Variants in SIPA1L3 observed in about 807,000 individuals in gnomAD.
The protein encoded by SIPA1L3 is signal induced proliferation associated 1 like 3.
Under a neutral mutation model 150.1 loss-of-function variants are expected in SIPA1L3, and 59 were observed. The observed-to-expected ratio is 0.39, with a 90% CI of 0.32 to 0.49. SIPA1L3 has a LOEUF of 0.49. SIPA1L3 is among the 20% of genes least tolerant of loss of function. The probability of loss-of-function intolerance (pLI) is 0.86; values close to 1 mark genes in which losing one functional copy is unlikely to be tolerated. For missense variants in SIPA1L3, 2,211 were observed against 2,489.5 expected (o/e 0.89, Z 2.38); for synonymous variants, 1,070 against 1,077.6 (o/e 0.99, Z 0.14).
chr19:38,066,214 C>T (rs563996778), intron 2 of SIPA1L3, among the ~76,000 whole-genome samples: 1 of 152,006 alleles, frequency 6.6e-6, no homozygotes, highest in East Asian at 1.9e-4. Context: ...GATAGGGTCT[C>T]GTTATGTTAT....
intron 16 of SIPA1L3, 121 bp from the exon 17 acceptor site, chr19:38,192,024 G>A: frequency 1.1e-6 from 1 of 876,598 alleles, no homozygotes; most frequent in Admixed American, 2.8e-5. Context: ...CGTTTGCTGG[G>A]TGAAGGAGAG....
At chr19:38,028,283 T>C (rs1968560358) in intron 1 of SIPA1L3, among the ~76,000 whole-genome samples, 1 of 152,194 alleles carries the variant, frequency 6.6e-6, no homozygotes, top group Non-Finnish European at 1.5e-5. Context: ...TCTGAGGAAA[T>C]GTCCTTAGAA....
intron 1 of SIPA1L3, among the ~76,000 whole-genome samples, chr19:37,989,812 G>A (rs1488406937): frequency 6.6e-6 from 1 of 152,012 alleles, no homozygotes; most frequent in Non-Finnish European, 1.5e-5. Context: ...TGGGATTGCA[G>A]ACGTGAGCCA....
intron 13 of SIPA1L3, among the ~76,000 whole-genome samples, chr19:38,156,636 C>T (rs987153264): frequency 1.3e-5 from 2 of 151,440 alleles, no homozygotes; most frequent in African/African-American, 2.4e-5. Flanking sequence ...ACCAGCCTGA[C>T]CAACATGATG....
chr19:38,025,380 G>A (rs572371142), intron 1 of SIPA1L3, among the ~76,000 whole-genome samples: 7 of 152,304 alleles, frequency 4.6e-5, no homozygotes, highest in African/African-American at 1.7e-4. Context: ...TTCCCAGGTG[G>A]TAGAAAGTGG....
At chr19:38,188,975 T>C (rs1972749340) in intron 16 of SIPA1L3, among the ~76,000 whole-genome samples, 1 of 151,392 alleles carries the variant, frequency 6.6e-6, no homozygotes, top group South Asian at 2.1e-4. Flanking sequence ...GCCATCCTGC[T>C]CCCTCCCCAA....
intron 1 of SIPA1L3, among the ~76,000 whole-genome samples, chr19:37,971,291 T>C (rs1484930626): frequency 1.3e-5 from 2 of 151,934 alleles, no homozygotes. Flanking sequence ...TATTTGCCCT[T>C]TTAAAACATT....
chr19:37,951,893 C>CAAAA (rs5827992), intron 1 of SIPA1L3, among the ~76,000 whole-genome samples: 1 of 83,892 alleles, frequency 1.2e-5, no homozygotes, highest in Non-Finnish European at 2.1e-5. Flanking sequence ...AAGACTGTCT[C>CAAAA]AAAAAAAAAA....
chr19:38,083,415 T>G (rs1970053241), intron 3 of SIPA1L3, among the ~76,000 whole-genome samples: 2 of 152,212 alleles, frequency 1.3e-5, no homozygotes, highest in Non-Finnish European at 2.9e-5. Context: ...ATCAACCAGC[T>G]TAAAACAAAT....
intron 15 of SIPA1L3, among the ~76,000 whole-genome samples, chr19:38,168,091 C>T (rs192982660): frequency 6.6e-6 from 1 of 152,142 alleles, no homozygotes; most frequent in Non-Finnish European, 1.5e-5. Flanking sequence ...CAAATGAATA[C>T]GTGTGCGCTC....
At chr19:38,106,326 C>G (rs1299532358) in intron 6 of SIPA1L3, 3 of 450,926 alleles carry the variant, frequency 6.7e-6, no homozygotes, top group Admixed American at 3.6e-5. Flanking sequence ...AGGCTGGTCT[C>G]GAACTCCTGA....
chr19:37,950,496 C>T (rs17249336), intron 1 of SIPA1L3, among the ~76,000 whole-genome samples: 37,302 of 152,102 alleles, frequency 0.25, 5,524 homozygotes, highest in Non-Finnish European at 0.34. Flanking sequence ...TTACAGGGCT[C>T]GATCATTGGA....
At chr19:38,042,388 C>T (rs970027450) in intron 2 of SIPA1L3, among the ~76,000 whole-genome samples, 2 of 152,164 alleles carry the variant, frequency 1.3e-5, no homozygotes, top group Admixed American at 6.6e-5. Context: ...AGTGTGATGC[C>T]TCCAACTTTT....
At chr19:38,136,313 A>G (rs988417380) in intron 10 of SIPA1L3, among the ~76,000 whole-genome samples, 9 of 152,022 alleles carry the variant, frequency 5.9e-5, no homozygotes, top group Non-Finnish European at 1.2e-4. Context: ...TCCTTAAAAA[A>G]AATTCAAGGG....
chr19:38,090,506 T>C (rs1321690760), intron 4 of SIPA1L3, among the ~76,000 whole-genome samples: 1 of 152,126 alleles, frequency 6.6e-6, no homozygotes, highest in African/African-American at 2.4e-5. Context: ...GCACTGTGAT[T>C]GACAGTTCCA....
chr19:37,909,514 C>T (rs2046361351), intron 1 of SIPA1L3, among the ~76,000 whole-genome samples: 1 of 151,944 alleles, frequency 6.6e-6, no homozygotes, highest in South Asian at 2.1e-4. Context: ...CTGGCTGTGA[C>T]AAGGTTAAGT....
chr19:38,106,580 C>G lies in SIPA1L3; in HGVS notation c.2073C>G (p.Asp691Glu), dbSNP rs1223338454. 1 of 1,613,960 alleles carries G rather than the reference C, an allele frequency of 6.2e-7. No homozygotes were observed. The highest frequency in any genetic ancestry group is 1.3e-5 in the African/African-American group (1 of 74,928). Residue 691 changes from aspartate to glutamate, a missense_variant, in exon 7 of 22, where the codon GAC (aspartate) becomes GAG (glutamate). Asp to Glu is a conservative substitution (Grantham distance 45). Around this residue, in one of 5 missense-constraint regions of SIPA1L3, gnomAD observed 625 missense variants for 804.2 expected, o/e 0.78. Transcript: ENST00000222345. Reference sequence around the variant, plus strand: ...ACTCCCTCTACACGATGTACCAGGACTACGAGATCATGTTCCATGTCTCCA... The same window carrying G: ...ACTCCCTCTACACGATGTACCAGGAGTACGAGATCATGTTCCATGTCTCCA... The part of the protein sequence containing the change: ...GTHSLYTMYQ[D>E]YEIMFHVSTL...
At chr19:38,043,610 G>T (rs887233212) in intron 2 of SIPA1L3, among the ~76,000 whole-genome samples, 1 of 152,180 alleles carries the variant, frequency 6.6e-6, no homozygotes. Context: ...TATATATGAA[G>T]AAAGCACTTA....
intron 1 of SIPA1L3, among the ~76,000 whole-genome samples, chr19:37,967,815 T>A (rs1725486): frequency 6.6e-6 from 1 of 152,176 alleles, no homozygotes; most frequent in Non-Finnish European, 1.5e-5. Context: ...CTGGGTTATG[T>A]GACTGGCTAA....
Sources: gnomAD v4.1 joint callset for allele counts (sites outside exome capture counted in the v4.1 genomes callset) on GRCh38, gnomAD v4.1.1 for gene constraint, gnomAD v4.1.1 regional missense constraint, MANE v1.5 for transcripts, NCBI Gene and HGNC (gene_info 2026-07-23, HGNC 2026-07-21) for gene names.